Variants in RYK observed in about 807,000 individuals in gnomAD.
RYK encodes the protein inactive tyrosine-protein kinase RYK.
RYK carries 21 observed loss-of-function variants against 70.2 expected under a neutral mutation model. The ratio of observed to expected loss-of-function variants is 0.30; its 90% confidence interval spans 0.21 to 0.43. The LOEUF is 0.43. Among genes scored for constraint, RYK ranks in the 20% least tolerant of loss-of-function variants. The pLI, the probability that RYK is intolerant of heterozygous loss-of-function variation, is 1.00. For synonymous variants in RYK, 267 were observed against 278.0 expected (o/e 0.96, Z 0.39); for missense variants, 604 against 753.3 (o/e 0.80, Z 2.32).
intron 1 of RYK, among the ~76,000 whole-genome samples, chr3:134,238,865 G>C (rs922476389): frequency 2.0e-5 from 3 of 152,078 alleles, no homozygotes; most frequent in Non-Finnish European, 2.9e-5. Flanking sequence ...TATGCATTTT[G>C]GGGAAAAAAA....
Position 134,197,184 on chromosome 3 carries a change from C to T in RYK, c.789-2002G>A, listed in dbSNP as rs527422480. ...CTATAATAAAGATTCATTAGGCTATCATCTGGTCAGAGTGCTGGAAGAGCT... is the reference window on the plus strand; with the variant it reads ...CTATAATAAAGATTCATTAGGCTATTATCTGGTCAGAGTGCTGGAAGAGCT... On this transcript the variant is annotated intron_variant, in intron 6 of 14. Coordinates refer to ENST00000623711, the MANE Select transcript of RYK (RefSeq NM_002958.4). Among the ~76,000 whole-genome samples, 6 of 152,288 alleles carry T rather than the reference C, an allele frequency of 3.9e-5. No homozygotes were observed. The South Asian group carries it at 1.2e-3, about 32-fold the overall frequency.
At chr3:134,212,900 T>C (rs1283219005) in intron 2 of RYK, among the ~76,000 whole-genome samples, 1 of 152,204 alleles carries the variant, frequency 6.6e-6, no homozygotes, top group Non-Finnish European at 1.5e-5. Flanking sequence ...TGTAGGGGTA[T>C]GCAAACATTA....
At chr3:134,233,056 T>A (rs900551809) in intron 1 of RYK, among the ~76,000 whole-genome samples, 1 of 152,250 alleles carries the variant, frequency 6.6e-6, no homozygotes, top group African/African-American at 2.4e-5. Context: ...CCCACCTTTA[T>A]GGCAACCACA....
Position 134,250,510 on chromosome 3 carries a change from CG to C in RYK, c.144del (p.Ala49ProfsTer16). On this transcript the variant is annotated frameshift_variant, in exon 1 of 15. Coordinates refer to ENST00000623711, the MANE Select transcript of RYK (RefSeq NM_002958.4). LOFTEE classifies it high-confidence loss of function. ...LLPAPGAAAA[P>X]APRPPELQSA... is the part of the protein sequence containing the mutation. ...GACTGCAGCTCCGGGGGCCGCGGGG[CG>C]GGGGCGGCGGCAGCGCCAGGCGCGG... is the stretch of plus-strand genomic sequence containing the variant. 3 of 1,242,664 alleles carry C rather than the reference CG, an allele frequency of 2.4e-6. No homozygotes were observed. Among genetic ancestry groups the C allele is most frequent in the Non-Finnish European group, 3.0e-6 (3 of 991,764 alleles). The allele number at this position is 1,242,664 out of a possible 1,614,324, so 77.0% of individuals were successfully genotyped here. A position where few individuals can be genotyped will look rare whatever the true frequency, so the allele number is the denominator to read the frequency against.
intron 10 of RYK, 120 bp from the exon 11 acceptor site, chr3:134,178,193 C>T (rs1266331298): frequency 3.5e-5 from 25 of 724,534 alleles, no homozygotes; most frequent in Non-Finnish European, 2.6e-5. Flanking sequence ...ACATGATTAC[C>T]ATTAAAAATG....
chr3:134,205,592 C>T (rs938697165), intron 5 of RYK, among the ~76,000 whole-genome samples: 3 of 152,166 alleles, frequency 2.0e-5, no homozygotes, highest in Non-Finnish European at 4.4e-5. Flanking sequence ...GGCAGATCCC[C>T]CTAGATGCGC....
chr3:134,236,906 C>T (rs999492743), intron 1 of RYK, among the ~76,000 whole-genome samples: 1 of 152,150 alleles, frequency 6.6e-6, no homozygotes, highest in East Asian at 1.9e-4. Flanking sequence ...TTTTTAAATT[C>T]TGATTTAGGA....
chr3:134,243,981 A>T (rs111587593), intron 1 of RYK, among the ~76,000 whole-genome samples: 2 of 152,186 alleles, frequency 1.3e-5, no homozygotes, highest in Non-Finnish European at 2.9e-5. Flanking sequence ...CTTCAAAAAA[A>T]TTTTCTGGAC....
chr3:134,250,303 G>GGGC, intron 1 of RYK, 120 bp downstream of exon 1: 1 of 433,734 alleles, frequency 2.3e-6, no homozygotes, highest in Non-Finnish European at 3.7e-6. Context: ...GCGAATCCGG[G>GGGC]CGCGGGGGGC....
chr3:134,195,370 T>A (rs2107670619), intron 6 of RYK, 188 bp from the exon 7 acceptor site: 1 of 483,676 alleles, frequency 2.1e-6, no homozygotes, highest in Non-Finnish European at 3.6e-6. Context: ...TTTTCTTTCA[T>A]TTCTATCTCC....
intron 13 of RYK, among the ~76,000 whole-genome samples, chr3:134,172,834 C>T (rs576337474): frequency 3.5e-4 from 53 of 152,244 alleles, no homozygotes; most frequent in African/African-American, 1.3e-3. Context: ...AAGCTGAACC[C>T]TGGGATTCAG....
At chr3:134,244,857 C>T (rs1310469710) in intron 1 of RYK, among the ~76,000 whole-genome samples, 1 of 152,192 alleles carries the variant, frequency 6.6e-6, no homozygotes, top group Non-Finnish European at 1.5e-5. Context: ...AGGTGATTAG[C>T]TCATAAGAGC....
Position 134,177,976 on chromosome 3 carries a change from G to C in RYK, c.1270C>G (p.Arg424Gly), listed in dbSNP as rs768946920. The C allele has an allele frequency of 6.2e-7, 1 of 1,612,662 alleles. No individual in the cohort carries two copies. The highest frequency in any genetic ancestry group is 8.5e-7 in the Non-Finnish European group (1 of 1,179,304). ...MNWGNLKLFLRQCKLVEANNP... is the reference protein window; with the variant it reads ...MNWGNLKLFLGQCKLVEANNP... ...TTGGCCTCTACTAACTTGCACTGTC[G>C]TAAAAACAATTTAAGATTCCCCCAA... Residue 424 changes from arginine (R) to glycine (G), a missense_variant, in exon 11 of 15, where the codon CGA becomes GGA. Physicochemically the swap from Arg to Gly is moderately radical, Grantham distance 125 (BLOSUM62 -2). Transcript: ENST00000623711.
At chr3:134,250,385 C>A in intron 1 of RYK, 38 bp downstream of exon 1, 6 of 1,314,662 alleles carry the variant, frequency 4.6e-6, no homozygotes, top group Non-Finnish European at 5.9e-6. Context: ...CCCCAGCCGG[C>A]CCGACCTGCC....
At chr3:134,245,741 T>G (rs2015448037) in intron 1 of RYK, among the ~76,000 whole-genome samples, 2 of 152,154 alleles carry the variant, frequency 1.3e-5, no homozygotes, top group South Asian at 4.1e-4. Flanking sequence ...CCCTGGCAGC[T>G]GGCATATCAC....
chr3:134,210,083 A>G (rs2014341372), intron 3 of RYK, among the ~76,000 whole-genome samples: 1 of 152,220 alleles, frequency 6.6e-6, no homozygotes, highest in Non-Finnish European at 1.5e-5. Context: ...CAATGAAGAG[A>G]TAATTGTTTT....
chr3:134,198,125 T>C (rs181514524), intron 6 of RYK, among the ~76,000 whole-genome samples: 13 of 152,308 alleles, frequency 8.5e-5, no homozygotes, highest in African/African-American at 2.9e-4. Flanking sequence ...AGGTGGAAAA[T>C]GAGATTAAAA....
At chr3:134,173,216 G>C (rs1020464248) in intron 13 of RYK, among the ~76,000 whole-genome samples, 2 of 151,850 alleles carry the variant, frequency 1.3e-5, no homozygotes, top group African/African-American at 4.8e-5. Context: ...AGGAGGCGGA[G>C]GTTGCACTGA....
intron 6 of RYK, among the ~76,000 whole-genome samples, chr3:134,201,364 G>A (rs936300578): frequency 6.6e-5 from 10 of 152,204 alleles, no homozygotes; most frequent in Non-Finnish European, 1.3e-4. Context: ...ATATTCTTAC[G>A]CCACAAATAT....
Sources: allele counts gnomAD v4.1 joint callset (sites outside exome capture counted in the v4.1 genomes callset), GRCh38; gene constraint gnomAD v4.1.1; transcripts MANE v1.5; gene names NCBI Gene and HGNC (gene_info 2026-07-23, HGNC 2026-07-21).